ZNF800: variants seen among roughly 807,000 people sequenced by gnomAD.
ZNF800 encodes zinc finger protein 800.
ZNF800 carries 13 observed loss-of-function variants against 59.5 expected under a neutral mutation model. That is an observed-to-expected ratio of 0.22 (90% CI 0.14 to 0.35). ZNF800 has a LOEUF of 0.35. Among genes scored for constraint, ZNF800 ranks in the 10% least tolerant of loss-of-function variants. The pLI, the probability that ZNF800 is intolerant of heterozygous loss-of-function variation, is 1.00. For missense variants in ZNF800, 621 were observed against 783.7 expected (o/e 0.79, Z 2.48); for synonymous variants, 266 against 265.7 (o/e 1.00, Z -0.01).
chr7:127,366,640 T>G (rs141116236), downstream of ZNF800, among the ~76,000 whole-genome samples: 20 of 152,292 alleles, frequency 1.3e-4, no homozygotes, highest in African/African-American at 4.3e-4. Flanking sequence ...TCTGTCACCT[T>G]TCAAAAGAAA....
At chr7:127,350,383 A>T (rs932562801) in intron 1 of ZNF800, 1 of 152,246 alleles carries the variant, frequency 6.6e-6, no homozygotes, top group African/African-American at 2.4e-5. Flanking sequence ...TCAGTAGTAC[A>T]TCTCAATGAG....
chr7:127,384,227 C>CTT lies in ZNF800; in HGVS notation c.157+1831_157+1832dup, dbSNP rs577977623. 9.3e-4 allele frequency among the ~76,000 whole-genome samples: 59 copies of CTT among 63,378 alleles called. 6 individuals are homozygous for CTT. The highest frequency in any genetic ancestry group is 2.5e-3 in the African/African-American group (35 of 14,228). The allele number at this position is 63,378 out of a possible 152,430, so 41.6% of individuals were successfully genotyped here. A position where few individuals can be genotyped will look rare whatever the true frequency, so the allele number is the denominator to read the frequency against. On this transcript the variant is annotated intron_variant, in intron 3 of 5. Coordinates refer to ENST00000265827, the MANE Select transcript of ZNF800 (RefSeq NM_176814.5). Reference sequence around the variant, plus strand: ...CTTATGACTTAACTAATTCTAACTTCTTTTTTTTTTTTTTTTTTTTTTTTT... The same window carrying CTT: ...CTTATGACTTAACTAATTCTAACTTCTTTTTTTTTTTTTTTTTTTTTTTTTTT...
chr7:127,385,777 TAAG>T (rs1304136391), intron 3 of ZNF800, among the ~76,000 whole-genome samples: 1 of 152,126 alleles, frequency 6.6e-6, no homozygotes, highest in African/African-American at 2.4e-5. Context: ...AATGGATCTT[TAAG>T]AAGTGCTTTA....
At chr7:127,359,641 C>A (rs765560106) in intron 1 of ZNF800, 15 of 152,068 alleles carry the variant, frequency 9.9e-5, no homozygotes, top group Non-Finnish European at 1.5e-4. Flanking sequence ...AATAGAGTCT[C>A]TGAACAGATG....
intron 1 of ZNF800, chr7:127,351,426 C>T (rs1800166598): frequency 2.6e-5 from 4 of 152,308 alleles, no homozygotes; most frequent in Admixed American, 2.6e-4. Context: ...GAGACCACCA[C>T]CTTTAAAAAT....
At chr7:127,381,703 T>C (rs559609625) in intron 3 of ZNF800, among the ~76,000 whole-genome samples, 1 of 151,998 alleles carries the variant, frequency 6.6e-6, no homozygotes, top group African/African-American at 2.4e-5. Flanking sequence ...TGAATATGAA[T>C]GTAAGGAAAA....
At chr7:127,352,238 A>G (rs907045277) in intron 1 of ZNF800, among the ~76,000 whole-genome samples, 3 of 152,246 alleles carry the variant, frequency 2.0e-5, no homozygotes, top group Non-Finnish European at 4.4e-5. Flanking sequence ...ACTTGGACTC[A>G]AAACCAGTTA....
At chr7:127,372,451 G>C (rs958293654) in intron 5 of ZNF800, 8 of 316,864 alleles carry the variant, frequency 2.5e-5, no homozygotes, top group African/African-American at 1.9e-4. Context: ...CTGCACTCCA[G>C]CCTGGGCAAC....
Position 127,377,288 on chromosome 7 carries a change from T to C in ZNF800, c.199A>G (p.Thr67Ala), listed in dbSNP as rs112060462. 4 of 1,610,072 alleles carry C rather than the reference T, an allele frequency of 2.5e-6. No homozygotes were observed. The highest frequency in any genetic ancestry group is 2.2e-5 in the East Asian group (1 of 44,770). Residue 67 changes from threonine to alanine, a missense_variant, in exon 4 of 6, where the codon ACT (threonine) becomes GCT (alanine). Thr to Ala is a moderately conservative substitution (Grantham distance 58). Around this residue, in one of 7 missense-constraint regions of ZNF800, gnomAD observed 57 missense variants for 77.1 expected, o/e 0.74. Coordinates refer to ENST00000265827, the MANE Select transcript of ZNF800 (RefSeq NM_176814.5). This position sits in a 1 kb window ranked among gnomAD's most constrained non-coding sequence, Gnocchi z 4.7. ...LKHILLKDVDTIFECKLCRSL... is the reference protein window; with the variant it reads ...LKHILLKDVDAIFECKLCRSL... ...CGGCATAACTTACATTCAAAAATAG[T>C]GTCCACATCTTTTAATAAAATATGC...
chr7:127,364,624 G>A (rs570690583), intron 1 of ZNF800: 3 of 152,266 alleles, frequency 2.0e-5, no homozygotes, highest in African/African-American at 7.2e-5. Flanking sequence ...TTTGTAGGTT[G>A]AGGAAGAGGA....
intron 3 of ZNF800, among the ~76,000 whole-genome samples, chr7:127,378,882 C>T (rs920180499): frequency 1.3e-5 from 2 of 152,000 alleles, no homozygotes; most frequent in Middle Eastern, 3.2e-3. Flanking sequence ...GCTTTATAAT[C>T]TTTATACTTT....
At position 127,379,852 on chromosome 7, in the gene ZNF800, A is replaced by ACC. The variant is rs1562907479; in HGVS notation, c.158-2525_158-2524dup. On this transcript the variant is annotated intron_variant, in intron 3 of 5. Coordinates refer to ENST00000265827, the MANE Select transcript of ZNF800 (RefSeq NM_176814.5). ...ACCCTTGCCACCCCCCCACCCCCCCACCCCCCCCACACACACACAGAGAGA... is the reference window on the plus strand; with the variant it reads ...ACCCTTGCCACCCCCCCACCCCCCCACCCCCCCCCCACACACACACAGAGAGA... 1.5e-3 allele frequency among the ~76,000 whole-genome samples: 25 copies of ACC among 16,188 alleles called. 1 individual carries two copies. The highest frequency in any genetic ancestry group is 3.9e-3 in the African/African-American group (18 of 4,608). 10.6% of individuals were successfully genotyped at this position (16,188 alleles called of 152,430 possible). A position where few individuals can be genotyped will look rare whatever the true frequency, so the allele number is the denominator to read the frequency against.
intron 3 of ZNF800, among the ~76,000 whole-genome samples, chr7:127,383,886 A>G (rs1183914551): frequency 6.6e-6 from 1 of 152,210 alleles, no homozygotes; most frequent in Non-Finnish European, 1.5e-5. Flanking sequence ...TAAATAAAAA[A>G]TAACTCAAAA....
intron 3 of ZNF800, among the ~76,000 whole-genome samples, chr7:127,378,186 G>A (rs189670981): frequency 6.6e-6 from 1 of 152,136 alleles, no homozygotes; most frequent in East Asian, 1.9e-4. Flanking sequence ...ATTTGTTGAA[G>A]AAACGCTACT....
At chr7:127,361,157 G>T (rs887791665) in intron 1 of ZNF800, 2 of 152,114 alleles carry the variant, frequency 1.3e-5, no homozygotes, top group Admixed American at 6.6e-5. Context: ...TATACTGAAG[G>T]GTACTCAGCT....
intron 3 of ZNF800, among the ~76,000 whole-genome samples, chr7:127,384,435 C>G (rs994030056): frequency 1.3e-4 from 20 of 151,484 alleles, no homozygotes; most frequent in African/African-American, 4.6e-4. Context: ...GGAGTTTCAC[C>G]GTGTTAGCCA....
At chr7:127,357,865 A>T (rs1358846898) in intron 1 of ZNF800, among the ~76,000 whole-genome samples, 1 of 151,992 alleles carries the variant, frequency 6.6e-6, no homozygotes, top group Non-Finnish European at 1.5e-5. Context: ...AGAGAGAGAC[A>T]GCATCAGAGC....
Position 127,382,981 on chromosome 7 carries a change from C to T in ZNF800, c.157+3079G>A, listed in dbSNP as rs113553884. The stretch of plus-strand genomic sequence containing the variant: ...ATTACTTATTATAAAAAGAAAAACC[C>T]ATTTAACTTAATTTGCAAGTTAAGC... On this transcript the variant is annotated intron_variant, in intron 3 of 5. Transcript: ENST00000265827. 1.9e-3 allele frequency among the ~76,000 whole-genome samples: 289 copies of T among 152,246 alleles called. 1 individual carries two copies. The highest frequency in any genetic ancestry group is 6.3e-3 in the African/African-American group (261 of 41,550).
intron 1 of ZNF800, among the ~76,000 whole-genome samples, chr7:127,359,222 A>G (rs1489333639): frequency 7.7e-6 from 1 of 129,200 alleles, no homozygotes; most frequent in African/African-American, 3.2e-5. Flanking sequence ...AGCAGCATGT[A>G]AACAAATCTA....
Sources: allele counts gnomAD v4.1 joint callset (sites outside exome capture counted in the v4.1 genomes callset), GRCh38; gene constraint gnomAD v4.1.1; regional missense constraint gnomAD v4.1.1; non-coding constraint Gnocchi (gnomAD v3.1); transcripts MANE v1.5; gene names NCBI Gene and HGNC (gene_info 2026-07-23, HGNC 2026-07-21).